The following FER variants were observed in gnomAD, a reference collection of about 807,000 sequenced individuals.
FER encodes the protein tyrosine-protein kinase Fer.
A neutral mutation model predicts 111.0 loss-of-function variants in FER; 63 were observed. The ratio of observed to expected loss-of-function variants is 0.57; its 90% confidence interval spans 0.46 to 0.70. The LOEUF (loss-of-function observed/expected upper bound fraction) is 0.70, where lower values mean the gene tolerates loss of function less well. Among genes scored for constraint, FER ranks in the 30% least tolerant of loss-of-function variants. The probability of loss-of-function intolerance (pLI) is 0.00; values close to 1 mark genes in which losing one functional copy is unlikely to be tolerated. For missense variants in FER, 914 were observed against 954.0 expected, an observed-to-expected ratio of 0.96 and a Z score of 0.55; for synonymous variants, 327 against 313.9, an observed-to-expected ratio of 1.04 and a Z score of -0.44.
intron 3 of FER, among the ~76,000 whole-genome samples, chr5:108,824,179 T>G (rs1465657029): frequency 1.3e-5 from 2 of 152,162 alleles, no homozygotes; most frequent in Non-Finnish European, 2.9e-5. Context: ...TTGATTAATA[T>G]ACCTTTGGAA....
chr5:109,158,666 G>A (rs550373359), intron 17 of FER, among the ~76,000 whole-genome samples: 11 of 152,116 alleles, frequency 7.2e-5, no homozygotes, highest in African/African-American at 2.7e-4. Context: ...GCTAGCATTC[G>A]AGACTCTCCA....
chr5:108,771,577 C>T (rs1180256618), intron 2 of FER, among the ~76,000 whole-genome samples: 2 of 152,108 alleles, frequency 1.3e-5, no homozygotes, highest in South Asian at 2.1e-4. Context: ...AAACTGGTCT[C>T]CTCTCATGCT....
At chr5:109,126,634 T>G (rs1751766378) in intron 17 of FER, among the ~76,000 whole-genome samples, 1 of 152,262 alleles carries the variant, frequency 6.6e-6, no homozygotes, top group African/African-American at 2.4e-5. Flanking sequence ...TTCTCAGGTC[T>G]GATCTCTTTT....
In FER at chr5:108,872,089, C is replaced by G; in HGVS notation, c.804-4C>G. 1 of 1,609,062 alleles carries G rather than the reference C, an allele frequency of 6.2e-7. No individual in the cohort carries two copies. Among genetic ancestry groups the G allele is most frequent in the Non-Finnish European group, 8.5e-7 (1 of 1,177,804 alleles). On this transcript the variant is annotated splice_polypyrimidine_tract_variant and splice_region_variant and intron_variant, in intron 7 of 19. Transcript: ENST00000281092. ...GATCAAAATTATTTGCCATGCTTTACTAGAACAACGGCTGCTAAAGAACAA... is the reference window on the plus strand; with the variant it reads ...GATCAAAATTATTTGCCATGCTTTAGTAGAACAACGGCTGCTAAAGAACAA...
intron 3 of FER, among the ~76,000 whole-genome samples, chr5:108,802,290 A>C (rs1756747116): frequency 6.6e-6 from 1 of 152,088 alleles, no homozygotes; most frequent in Non-Finnish European, 1.5e-5. Context: ...TTTGGGGAAA[A>C]TCTATATCTT....
intron 17 of FER, among the ~76,000 whole-genome samples, chr5:109,166,496 A>G (rs1366731237): frequency 3.3e-5 from 5 of 152,274 alleles, no homozygotes; most frequent in East Asian, 3.9e-4. Context: ...CTGTTGAGCT[A>G]TCATTTGCAC....
chr5:108,993,083 C>T (rs1233129551), intron 13 of FER, among the ~76,000 whole-genome samples: 2 of 151,936 alleles, frequency 1.3e-5, no homozygotes, highest in African/African-American at 2.4e-5. Flanking sequence ...GGGCTCCTCA[C>T]CTCCCAGACG....
Position 108,944,195 on chromosome 5 carries a change from G to T in FER, c.1237-1935G>T, listed in dbSNP as rs150597376. Among the ~76,000 whole-genome samples, 753 of 151,946 alleles carry T rather than the reference G, an allele frequency of 5.0e-3. 3 individuals are homozygous for T. Among genetic ancestry groups the T allele is most frequent in the Non-Finnish European group, 9.1e-3 (620 of 67,962 alleles). On this transcript the variant is annotated intron_variant, in intron 10 of 19. Coordinates refer to ENST00000281092, the MANE Select transcript of FER (RefSeq NM_005246.4). ...AAATAATGAAAAACTATTCTTAAAT[G>T]AGATGCGAAACTGATACTGTACCTA... is the stretch of plus-strand genomic sequence containing the variant.
intron 16 of FER, among the ~76,000 whole-genome samples, chr5:109,064,145 G>A (rs1365155421): frequency 1.3e-5 from 2 of 152,122 alleles, no homozygotes; most frequent in Admixed American, 6.6e-5. Flanking sequence ...AATACAGATG[G>A]AATAGTTTAA....
chr5:109,037,342 G>T, intron 13 of FER, 80 bp from the exon 14 acceptor site: 1 of 1,184,394 alleles, frequency 8.4e-7, no homozygotes, highest in South Asian at 1.3e-5. Context: ...CCTTTAGGTC[G>T]ACTTTCCACT....
At chr5:109,015,963 A>G (rs995096876) in intron 13 of FER, among the ~76,000 whole-genome samples, 3 of 151,870 alleles carry the variant, frequency 2.0e-5, no homozygotes, top group Admixed American at 2.0e-4. Context: ...ATGCTCCTGA[A>G]TGGGGGTGAT....
At chr5:108,843,403 A>T (rs528664859) in intron 5 of FER, among the ~76,000 whole-genome samples, 16 of 152,308 alleles carry the variant, frequency 1.1e-4, no homozygotes, top group African/African-American at 3.8e-4. Flanking sequence ...TTTATATATG[A>T]GTACATTTAT....
intron 3 of FER, among the ~76,000 whole-genome samples, chr5:108,823,110 G>GC (rs946220365): frequency 1.3e-5 from 2 of 152,156 alleles, no homozygotes; most frequent in African/African-American, 4.8e-5. Flanking sequence ...TAAGTGATCT[G>GC]CCCCCCTTGG....
intron 10 of FER, among the ~76,000 whole-genome samples, chr5:108,918,297 A>T (rs1752525661): frequency 6.6e-6 from 1 of 152,148 alleles, no homozygotes; most frequent in African/African-American, 2.4e-5. Context: ...TGACAATATC[A>T]CTAAAGCTAA....
chr5:109,008,087 C>T (rs981432864), intron 13 of FER, among the ~76,000 whole-genome samples: 2 of 152,028 alleles, frequency 1.3e-5, no homozygotes, highest in Admixed American at 6.6e-5. Flanking sequence ...TTTGTGGGCA[C>T]TTTTGACAAC....
intron 18 of FER, among the ~76,000 whole-genome samples, chr5:109,182,885 G>A (rs559026019): frequency 3.3e-5 from 5 of 151,870 alleles, no homozygotes; most frequent in Admixed American, 6.6e-5. Flanking sequence ...TTTGTCACCC[G>A]GGCTGGAGTG....
At chr5:109,155,897 G>A (rs1755324706) in intron 17 of FER, among the ~76,000 whole-genome samples, 1 of 151,938 alleles carries the variant, frequency 6.6e-6, no homozygotes, top group African/African-American at 2.4e-5. Flanking sequence ...TTTTGAGAAA[G>A]TTTCTCATGA....
intron 13 of FER, among the ~76,000 whole-genome samples, chr5:108,981,847 G>T (rs538559455): frequency 6.6e-6 from 1 of 152,144 alleles, no homozygotes; most frequent in Admixed American, 6.5e-5. Flanking sequence ...TCAACATTAT[G>T]CCATGCTGCC....
At chr5:108,949,306 G>C (rs1377985737) in intron 11 of FER, among the ~76,000 whole-genome samples, 2 of 152,004 alleles carry the variant, frequency 1.3e-5, no homozygotes, top group African/African-American at 4.8e-5. Context: ...ACGTTGTCAA[G>C]TTCAGGTTAA....
Sources: gnomAD v4.1 joint callset for allele counts (sites outside exome capture counted in the v4.1 genomes callset) on GRCh38, gnomAD v4.1.1 for gene constraint, MANE v1.5 for transcripts, NCBI Gene and HGNC (gene_info 2026-07-23, HGNC 2026-07-21) for gene names.